Variants in ATRNL1 observed in about 807,000 individuals in gnomAD.
ATRNL1 encodes the protein attractin like 1.
A neutral mutation model predicts 182.7 loss-of-function variants in ATRNL1; 95 were observed. The ratio of observed to expected loss-of-function variants is 0.52; its 90% confidence interval spans 0.44 to 0.62. The LOEUF is 0.62. Among genes scored for constraint, ATRNL1 ranks in the 20% least tolerant of loss-of-function variants. ATRNL1 has a pLI of 0.00. For synonymous variants in ATRNL1, 576 were observed against 568.3 expected (o/e 1.01, Z -0.19); for missense variants, 1,471 against 1,679.5 (o/e 0.88, Z 2.17).
At chr10:115,745,156 ACT>A (rs1948254497) in intron 27 of ATRNL1, among the ~76,000 whole-genome samples, 1 of 150,836 alleles carries the variant, frequency 6.6e-6, no homozygotes, top group Non-Finnish European at 1.5e-5. Context: ...ACCGAGTCTC[ACT>A]CTGTTGCCAG....
chr10:115,610,369 T>TA (rs781867428), intron 26 of ATRNL1, among the ~76,000 whole-genome samples: 42 of 152,222 alleles, frequency 2.8e-4, no homozygotes, highest in Non-Finnish European at 4.7e-4. Context: ...TTTTGCATTG[T>TA]AGACTGTCTA....
At chr10:115,516,533 T>C (rs782586011) in intron 24 of ATRNL1, among the ~76,000 whole-genome samples, 1 of 151,930 alleles carries the variant, frequency 6.6e-6, no homozygotes, top group African/African-American at 2.4e-5. Context: ...GCCAGAATGA[T>C]ATTTTTCTTG....
intron 26 of ATRNL1, among the ~76,000 whole-genome samples, chr10:115,553,027 G>A (rs1554995981): frequency 6.6e-6 from 1 of 151,148 alleles, no homozygotes; most frequent in Admixed American, 6.6e-5. Flanking sequence ...TATGTAAAAA[G>A]GAGTCTATTG....
intron 26 of ATRNL1, among the ~76,000 whole-genome samples, chr10:115,638,684 C>T (rs569556114): frequency 1.9e-4 from 29 of 151,990 alleles, no homozygotes; most frequent in African/African-American, 5.5e-4. Context: ...ATGAACATGG[C>T]GAATTTTATG....
chr10:115,241,934 C>G (rs1554903019), intron 10 of ATRNL1, among the ~76,000 whole-genome samples: 1 of 151,946 alleles, frequency 6.6e-6, no homozygotes, highest in Non-Finnish European at 1.5e-5. Context: ...GTGGTAGATA[C>G]AGGGAATACA....
At chr10:115,776,676 TGCTGACAGCCCTTGATGAGCTGACA>T (rs1442771150) in intron 27 of ATRNL1, among the ~76,000 whole-genome samples, 7 of 152,108 alleles carry the variant, frequency 4.6e-5, no homozygotes, top group Non-Finnish European at 8.8e-5. Context: ...CCAGTGTCCC[TGCTGACAGCCCTTGATGAGCTGACA>T]GCTGACAGCC....
intron 26 of ATRNL1, among the ~76,000 whole-genome samples, chr10:115,722,585 G>C (rs10159623): frequency 0.37 from 55,985 of 151,862 alleles, 11,077 homozygotes; most frequent in Admixed American, 0.54. Context: ...ATAACAGAAA[G>C]CCTCTTATTT....
At chr10:115,310,883 T>C (rs1853984495) in intron 17 of ATRNL1, among the ~76,000 whole-genome samples, 1 of 152,208 alleles carries the variant, frequency 6.6e-6, no homozygotes, top group Admixed American at 6.5e-5. Context: ...CTTGTTTCTC[T>C]AGTTCTTTGA....
intron 14 of ATRNL1, among the ~76,000 whole-genome samples, chr10:115,283,912 A>C (rs1377592524): frequency 6.6e-6 from 1 of 152,178 alleles, no homozygotes; most frequent in Non-Finnish European, 1.5e-5. Context: ...GTAATGAAAT[A>C]TATTATGCAC....
At chr10:115,688,006 T>C (rs1465114551) in intron 26 of ATRNL1, among the ~76,000 whole-genome samples, 1 of 152,056 alleles carries the variant, frequency 6.6e-6, no homozygotes, top group Non-Finnish European at 1.5e-5. Flanking sequence ...GTATCTATGG[T>C]TCTATTCTCT....
chr10:115,422,984 AT>A (rs1845714993), intron 20 of ATRNL1, among the ~76,000 whole-genome samples: 1 of 152,194 alleles, frequency 6.6e-6, no homozygotes, highest in African/African-American at 2.4e-5. Context: ...CAATTTACCT[AT>A]GTAACAAACC....
intron 7 of ATRNL1, among the ~76,000 whole-genome samples, chr10:115,166,586 G>T (rs1554884405): frequency 6.6e-6 from 1 of 151,336 alleles, no homozygotes; most frequent in East Asian, 1.9e-4. Flanking sequence ...TTCTGTTTTT[G>T]TTTTTTTGAT....
chr10:115,150,192 G>A (rs941095487), intron 5 of ATRNL1, among the ~76,000 whole-genome samples: 10 of 151,522 alleles, frequency 6.6e-5, no homozygotes, highest in African/African-American at 9.7e-5. Flanking sequence ...GTTGTAACGT[G>A]TCCTTTTACA....
At chr10:115,741,453 A>ACC (rs1471819416) in intron 27 of ATRNL1, among the ~76,000 whole-genome samples, 7 of 152,150 alleles carry the variant, frequency 4.6e-5, no homozygotes, top group African/African-American at 1.4e-4. Flanking sequence ...GGCCACATTC[A>ACC]CCCAATGAGG....
chr10:115,378,186 C>T (rs1857785472), intron 19 of ATRNL1, among the ~76,000 whole-genome samples: 1 of 152,112 alleles, frequency 6.6e-6, no homozygotes, highest in African/African-American at 2.4e-5. Flanking sequence ...TTGGTGGGTA[C>T]ACCTGCTCTC....
intron 24 of ATRNL1, among the ~76,000 whole-genome samples, chr10:115,489,909 A>G: frequency 6.6e-6 from 1 of 152,168 alleles, no homozygotes; most frequent in East Asian, 1.9e-4. Context: ...AGCTCTTGTA[A>G]GGCAGGCCTG....
At chr10:115,516,681 A>C (rs1850656309) in intron 24 of ATRNL1, among the ~76,000 whole-genome samples, 1 of 151,908 alleles carries the variant, frequency 6.6e-6, no homozygotes, top group African/African-American at 2.4e-5. Context: ...TTTATTTACA[A>C]CTACTCTGTC....
chr10:115,145,351 G>C (rs782681031), intron 5 of ATRNL1, among the ~76,000 whole-genome samples: 3 of 152,014 alleles, frequency 2.0e-5, no homozygotes, highest in African/African-American at 4.8e-5. Flanking sequence ...AGCCCAAAAA[G>C]AGTAAATTGG....
chr10:115,095,377 A>T (rs370343134), intron 1 of ATRNL1, among the ~76,000 whole-genome samples: 1,912 of 131,472 alleles, frequency 0.015, 43 homozygotes, highest in African/African-American at 0.059. Context: ...TTTTTTTTTA[A>T]AAAAAAACTT....
Sources: gnomAD v4.1 joint callset for allele counts (sites outside exome capture counted in the v4.1 genomes callset) on GRCh38, gnomAD v4.1.1 for gene constraint, MANE v1.5 for transcripts, NCBI Gene and HGNC (gene_info 2026-07-23, HGNC 2026-07-21) for gene names.